Variants in TEX101 observed in about 807,000 individuals in gnomAD.
TEX101 encodes the protein testis-expressed protein 101.
TEX101 carries 10 observed loss-of-function variants against 18.1 expected under a neutral mutation model. The observed-to-expected ratio is 0.55, with a 90% confidence interval of 0.34 to 0.94. The LOEUF (loss-of-function observed/expected upper bound fraction) is 0.94, where lower values mean the gene tolerates loss of function less well. Among genes scored for constraint, TEX101 ranks in the 40% least tolerant of loss-of-function variants. The pLI is 0.02. For synonymous variants in TEX101, 94 were observed against 114.8 expected, an observed-to-expected ratio of 0.82 and a Z score of 1.16; for missense variants, 259 against 298.9, an observed-to-expected ratio of 0.87 and a Z score of 0.98.
chr19:43,401,573 A>C (rs554724309), intron 1 of TEX101: 117 of 152,400 alleles, frequency 7.7e-4, no homozygotes, highest in African/African-American at 2.7e-3. Flanking sequence ...TGCGTGGCTG[A>C]GGGCCGGGAG....
chr19:43,408,429 G>T (rs1341214263), intron 3 of TEX101, among the ~76,000 whole-genome samples: 1 of 152,208 alleles, frequency 6.6e-6, no homozygotes, highest in Non-Finnish European at 1.5e-5. Context: ...CATCTGAGCC[G>T]TGGGCCGGTA....
In TEX101 at chr19:43,416,383, A is replaced by G. The variant is rs1049126584; in HGVS notation, c.219A>G (p.Thr73=). ...TILIIKAGTE[T]AILATKGCIP... ...CCTGTCTCATAACAGGGACTGAGACAGCCATTTTGGCCACGAAGGGCTGCA... is the reference window on the plus strand; with the variant it reads ...CCTGTCTCATAACAGGGACTGAGACGGCCATTTTGGCCACGAAGGGCTGCA... The change falls in exon 4 of 6, where the codon ACA becomes ACG. Residue 73 remains threonine (T), a synonymous_variant. Transcript: ENST00000598265. 1 of 1,613,622 alleles carries G rather than the reference A, an allele frequency of 6.2e-7. No homozygotes were observed. Among genetic ancestry groups the G allele is most frequent in the Non-Finnish European group, 8.5e-7 (1 of 1,179,666 alleles).
chr19:43,406,378 C>A, exon 3 of TEX101: 1 of 685,808 alleles, frequency 1.5e-6, no homozygotes, highest in South Asian at 1.6e-5. Context: ...TCCAGCGACA[C>A]CACAGCCAAG....
chr19:43,396,232 G>A, the TEX101 span, among the ~76,000 whole-genome samples: 24 of 152,328 alleles, frequency 1.6e-4, no homozygotes, highest in South Asian at 6.2e-4. Flanking sequence ...AGGGGTCTGA[G>A]TGAGGGGCAA....
the TEX101 span, among the ~76,000 whole-genome samples, chr19:43,389,157 A>AAC: frequency 1.1e-4 from 16 of 152,186 alleles, no homozygotes; most frequent in Non-Finnish European, 7.3e-5. Context: ...CTCCAGGTGG[A>AAC]ACACGGTACA....
upstream of TEX101, among the ~76,000 whole-genome samples, chr19:43,397,921 A>T (rs1393956792): frequency 2.7e-3 from 58 of 21,144 alleles, no homozygotes; most frequent in Non-Finnish European, 4.4e-3. Flanking sequence ...AATATATATT[A>T]TATATAAATA....
upstream of TEX101, among the ~76,000 whole-genome samples, chr19:43,412,632 C>T (rs1970428696): frequency 1.3e-5 from 2 of 152,048 alleles, no homozygotes; most frequent in Non-Finnish European, 1.5e-5. Context: ...TTCCCAAGCA[C>T]GAGCCCTCGG....
At chr19:43,398,292 T>A (rs1393709581), upstream of TEX101, among the ~76,000 whole-genome samples, 1 of 137,028 alleles carries the variant, frequency 7.3e-6, no homozygotes, top group Non-Finnish European at 1.5e-5. Flanking sequence ...TATACTTTTT[T>A]TTGAGACAGA....
the TEX101 span, among the ~76,000 whole-genome samples, chr19:43,391,345 C>A: frequency 6.6e-6 from 1 of 151,828 alleles, no homozygotes. Context: ...TATTACATAC[C>A]CACAAATGCT....
At chr19:43,396,686 T>G (rs1045251679), upstream of TEX101, among the ~76,000 whole-genome samples, 8 of 152,230 alleles carry the variant, frequency 5.3e-5, no homozygotes, top group Middle Eastern at 6.8e-3. Context: ...TTAAGGAGTT[T>G]CCTAGAAGAT....
chr19:43,399,430 T>C (rs1177375425), upstream of TEX101, among the ~76,000 whole-genome samples: 1 of 152,134 alleles, frequency 6.6e-6, no homozygotes, highest in East Asian at 1.9e-4. Context: ...GATCATTGCC[T>C]AGATCAGTCA....
At chr19:43,410,543 T>TA (rs1484016186), upstream of TEX101, among the ~76,000 whole-genome samples, 1 of 152,022 alleles carries the variant, frequency 6.6e-6, no homozygotes, top group Non-Finnish European at 1.5e-5. Flanking sequence ...GCCTGAGGTA[T>TA]GTGGTGGCTC....
the TEX101 span, among the ~76,000 whole-genome samples, chr19:43,395,529 C>T: frequency 6.6e-6 from 1 of 152,238 alleles, no homozygotes. Flanking sequence ...CCCTGAGCCC[C>T]TGCTCTGTGC....
upstream of TEX101, among the ~76,000 whole-genome samples, chr19:43,412,590 C>T (rs1970428352): frequency 6.6e-6 from 1 of 152,086 alleles, no homozygotes; most frequent in South Asian, 2.1e-4. Flanking sequence ...GCGACCAAGT[C>T]ACCTGGAGAG....
At chr19:43,413,491 G>A, upstream of TEX101, among the ~76,000 whole-genome samples, 1 of 57,142 alleles carries the variant, frequency 1.8e-5, no homozygotes, top group Non-Finnish European at 3.2e-5. Flanking sequence ...AACAGAGGGA[G>A]ACTCCAAAAA....
At position 43,418,203 on chromosome 19, in the gene TEX101, A is replaced by G. The variant is rs1568459472; in HGVS notation, c.556A>G (p.Thr186Ala). The G allele has an allele frequency of 1.2e-6, 2 of 1,614,202 alleles. No individual in the cohort carries two copies. Among genetic ancestry groups the G allele is most frequent in the Middle Eastern group, 3.3e-4 (2 of 6,062 alleles). ...IESSVEVKGC[T>A]AMIGCRLMSG... is the part of the protein sequence containing the mutation. ...GTCGTCTGTGGAGGTCAAAGGCTGT[A>G]CAGCCATGATTGGCTGCAGGCTGAT... is the stretch of plus-strand genomic sequence containing the variant. Residue 186 changes from threonine to alanine, a missense_variant, in exon 6 of 6, where the codon ACA becomes GCA. Coordinates refer to ENST00000598265, the MANE Select transcript of TEX101 (RefSeq NM_001130011.3).
chr19:43,412,087 TG>T (rs1388021931), upstream of TEX101, among the ~76,000 whole-genome samples: 1 of 152,188 alleles, frequency 6.6e-6, no homozygotes, highest in Non-Finnish European at 1.5e-5. Context: ...GGCTGTGTAT[TG>T]GGGTGTTCTT....
In TEX101 at chr19:43,418,432, T is replaced by G. The variant is rs1316480240; in HGVS notation, c.*35T>G. The G allele has an allele frequency of 2.6e-6, 4 of 1,567,712 alleles. No individual in the cohort carries two copies. The highest frequency in any genetic ancestry group is 3.5e-6 in the Non-Finnish European group (4 of 1,148,240). On this transcript the variant is annotated 3_prime_UTR_variant, in exon 6 of 6. Coordinates refer to ENST00000598265, the MANE Select transcript of TEX101 (RefSeq NM_001130011.3). ...TCTGGGCCTGGGTCTGAGGACATCT[T>G]TTTTGACTGGGAGCCTTCTTACTGT... is the stretch of plus-strand genomic sequence containing the variant.
At chr19:43,417,590 C>T (rs1970493648) in intron 4 of TEX101, among the ~76,000 whole-genome samples, 1 of 152,264 alleles carries the variant, frequency 6.6e-6, no homozygotes, top group South Asian at 2.1e-4. Flanking sequence ...TTGAACACAG[C>T]AGCTACTGAA....
Sources: allele counts gnomAD v4.1 joint callset (sites outside exome capture counted in the v4.1 genomes callset), GRCh38; gene constraint gnomAD v4.1.1; transcripts MANE v1.5; gene names NCBI Gene and HGNC (gene_info 2026-07-23, HGNC 2026-07-21).